The following ANKS1A variants were observed in gnomAD, a reference collection of about 807,000 sequenced individuals.
ANKS1A encodes the protein ankyrin repeat and SAM domain-containing protein 1A.
A neutral mutation model predicts 120.3 loss-of-function variants in ANKS1A; 55 were observed. The ratio of observed to expected loss-of-function variants is 0.46; its 90% confidence interval spans 0.37 to 0.57. The LOEUF (loss-of-function observed/expected upper bound fraction) is 0.57. Among genes scored for constraint, ANKS1A ranks in the 20% least tolerant of loss-of-function variants. ANKS1A has a pLI of 0.00. For synonymous variants in ANKS1A, 590 were observed against 604.7 expected (o/e 0.98, Z 0.36); for missense variants, 1,123 against 1,480.3 (o/e 0.76, Z 3.96).
In ANKS1A at chr6:35,084,946, C is replaced by G. The variant is rs989540665; in HGVS notation, c.3132+688C>G. Reference sequence around the variant, plus strand: ...AGAGTGGCCCCAGGCTGCTTCCTCACCCCGGGAGGAAGTCAGAGGGGTCCA... The same window carrying G: ...AGAGTGGCCCCAGGCTGCTTCCTCAGCCCGGGAGGAAGTCAGAGGGGTCCA... On this transcript the variant is annotated intron_variant, in intron 21 of 23. Transcript: ENST00000360359. This position sits in a 1 kb window ranked among gnomAD's most constrained non-coding sequence, Gnocchi z 4.8. 6.6e-6 allele frequency among the ~76,000 whole-genome samples: 1 copy of G among 152,184 alleles called. No individual in the cohort carries two copies. The highest frequency in any genetic ancestry group is 2.4e-5 in the African/African-American group (1 of 41,442).
intron 1 of ANKS1A, among the ~76,000 whole-genome samples, chr6:34,911,034 A>C (rs972580373): frequency 2.0e-5 from 3 of 152,228 alleles, no homozygotes; most frequent in Non-Finnish European, 4.4e-5. Flanking sequence ...TATTCATTTT[A>C]GAACAGCTCC....
At chr6:34,909,518 T>C (rs1323407620) in intron 1 of ANKS1A, among the ~76,000 whole-genome samples, 7 of 152,226 alleles carry the variant, frequency 4.6e-5, no homozygotes, top group Non-Finnish European at 1.5e-5. Flanking sequence ...CATAACTCTC[T>C]TGGGAAGCAG....
At chr6:34,905,504 T>TTGCTC (rs1561839407) in intron 1 of ANKS1A, among the ~76,000 whole-genome samples, 1 of 152,174 alleles carries the variant, frequency 6.6e-6, no homozygotes, top group East Asian at 1.9e-4. Flanking sequence ...ACTTAATACT[T>TTGCTC]TGTCTGTGCC....
chr6:35,078,711 T>G, intron 14 of ANKS1A, 55 bp downstream of exon 14: 1 of 1,507,668 alleles, frequency 6.6e-7, no homozygotes, highest in Non-Finnish European at 9.1e-7. Flanking sequence ...GCCACCTCCC[T>G]AGCACCACCT....
At chr6:35,078,970 C>T (rs919561128) in intron 14 of ANKS1A, among the ~76,000 whole-genome samples, 1 of 152,186 alleles carries the variant, frequency 6.6e-6, no homozygotes, top group African/African-American at 2.4e-5. Context: ...CACCCAGAGC[C>T]CCCTTCATGG....
chr6:35,031,008 A>G (rs147154600), intron 11 of ANKS1A, among the ~76,000 whole-genome samples: 1 of 152,330 alleles, frequency 6.6e-6, no homozygotes, highest in East Asian at 1.9e-4. Context: ...ATAATGCTTC[A>G]TCAAGGGGTT....
intron 1 of ANKS1A, among the ~76,000 whole-genome samples, chr6:34,966,041 C>T (rs945241092): frequency 2.6e-5 from 4 of 152,126 alleles, no homozygotes; most frequent in African/African-American, 9.7e-5. Flanking sequence ...TCGCACCTGG[C>T]CTGTGTCATT....
downstream of ANKS1A, among the ~76,000 whole-genome samples, chr6:35,094,569 C>A (rs1359352048): frequency 2.0e-5 from 3 of 151,584 alleles, no homozygotes; most frequent in African/African-American, 7.3e-5. Context: ...AAGAAAAAGT[C>A]AAATGTCTGA....
intron 11 of ANKS1A, among the ~76,000 whole-genome samples, chr6:35,042,331 T>TC (rs1265938086): frequency 6.6e-6 from 1 of 152,002 alleles, no homozygotes; most frequent in African/African-American, 2.4e-5. Flanking sequence ...CCACCATGTC[T>TC]CCCCCCTCTC....
intron 10 of ANKS1A, among the ~76,000 whole-genome samples, chr6:35,002,880 G>A (rs1773244691): frequency 1.3e-5 from 2 of 151,362 alleles, no homozygotes; most frequent in Admixed American, 6.6e-5. Flanking sequence ...ACGTGGTGGA[G>A]TTCAAACCGC....
At chr6:34,994,176 T>C in intron 9 of ANKS1A, 126 bp from the exon 10 acceptor site, 2 of 1,262,380 alleles carry the variant, frequency 1.6e-6, no homozygotes, top group East Asian at 5.4e-5. Context: ...ACTTGAATTA[T>C]TCACCTTCTC....
intron 1 of ANKS1A, among the ~76,000 whole-genome samples, chr6:34,927,682 G>T (rs78847208): frequency 9.2e-5 from 14 of 152,168 alleles, no homozygotes; most frequent in Non-Finnish European, 1.8e-4. Flanking sequence ...GTAAGTCTTG[G>T]TATTGTTTTG....
rs960616739 is a variant in ANKS1A at position 34,926,676 on chromosome 6, G to A, written c.197+37077G>A. Among the ~76,000 whole-genome samples, 4 of 152,094 alleles carry A rather than the reference G, an allele frequency of 2.6e-5. No homozygotes were observed. In the South Asian group the frequency reaches 6.2e-4, roughly 24 times the overall value. Reference sequence around the variant, plus strand: ...TAGATGTTATTTAAAAGGTGCAATGGCTCATTGCAGCCTTGTTAACACTGG... The same window carrying A: ...TAGATGTTATTTAAAAGGTGCAATGACTCATTGCAGCCTTGTTAACACTGG... On this transcript the variant is annotated intron_variant, in intron 1 of 23. Coordinates refer to ENST00000360359, the MANE Select transcript of ANKS1A (RefSeq NM_015245.3).
At chr6:35,038,356 G>A (rs187389932) in intron 11 of ANKS1A, 2 of 456,350 alleles carry the variant, frequency 4.4e-6, no homozygotes, top group Admixed American at 2.3e-5. Flanking sequence ...ATACAGTTTC[G>A]ACCGGTCCAC....
At chr6:35,017,386 G>A in intron 10 of ANKS1A, 87 bp from the exon 11 acceptor site, 2 of 1,381,068 alleles carry the variant, frequency 1.4e-6, no homozygotes, top group Non-Finnish European at 2.0e-6. Context: ...GAATTCCTCT[G>A]CTTTGCCATA....
chr6:35,059,312 G>A (rs1053293259), intron 12 of ANKS1A, among the ~76,000 whole-genome samples: 3 of 152,238 alleles, frequency 2.0e-5, no homozygotes, highest in Non-Finnish European at 4.4e-5. Flanking sequence ...CGCGCAGCCC[G>A]GCGGAATGCG....
At chr6:34,917,115 A>G (rs1174706014) in intron 1 of ANKS1A, among the ~76,000 whole-genome samples, 5 of 152,206 alleles carry the variant, frequency 3.3e-5, no homozygotes, top group Admixed American at 2.0e-4. Flanking sequence ...TTGGTCCACC[A>G]CTAATCCTAT....
chr6:34,959,432 T>A (rs1298667515), intron 1 of ANKS1A, among the ~76,000 whole-genome samples: 1 of 149,524 alleles, frequency 6.7e-6, no homozygotes, highest in African/African-American at 2.4e-5. Flanking sequence ...CTGGGCCAAT[T>A]CCTTACATAG....
At chr6:35,053,479 A>G (rs1247916451) in intron 11 of ANKS1A, among the ~76,000 whole-genome samples, 1 of 152,234 alleles carries the variant, frequency 6.6e-6, no homozygotes, top group Non-Finnish European at 1.5e-5. Context: ...GCAGAGCTCT[A>G]TCCAGGACTG....
Sources: gnomAD v4.1 joint callset for allele counts (sites outside exome capture counted in the v4.1 genomes callset) on GRCh38, gnomAD v4.1.1 for gene constraint, Gnocchi (gnomAD v3.1) non-coding constraint, MANE v1.5 for transcripts, NCBI Gene and HGNC (gene_info 2026-07-23, HGNC 2026-07-21) for gene names.